The following BCKDHB variants were observed in gnomAD, a reference collection of about 807,000 sequenced individuals.
BCKDHB encodes 2-oxoisovalerate dehydrogenase subunit beta, mitochondrial.
Under a neutral mutation model 48.5 loss-of-function variants are expected in BCKDHB, and 41 were observed. The ratio of observed to expected loss-of-function variants is 0.85; its 90% CI spans 0.66 to 1.10. The LOEUF is 1.10. Ranked by LOEUF, BCKDHB falls within the 50% of genes least tolerant of loss-of-function variation. The pLI, the probability that BCKDHB is intolerant of heterozygous loss-of-function variation, is 0.00. For synonymous variants in BCKDHB, 201 were observed against 174.8 expected (o/e 1.15, Z -1.18); for missense variants, 496 against 494.2 (o/e 1.00, Z -0.03).
chr6:80,317,464 G>A (rs1475844989), intron 9 of BCKDHB, among the ~76,000 whole-genome samples: 1 of 152,130 alleles, frequency 6.6e-6, no homozygotes, highest in African/African-American at 2.4e-5. Context: ...TGTCTTCAAA[G>A]CCACAGAAAT....
chr6:80,281,170 T>C (rs570910590), intron 9 of BCKDHB, among the ~76,000 whole-genome samples: 4 of 152,198 alleles, frequency 2.6e-5, no homozygotes, highest in African/African-American at 7.2e-5. Flanking sequence ...TATACTGATA[T>C]ACTGGTGGCT....
At chr6:80,253,289 A>T (rs1390711563) in intron 8 of BCKDHB, among the ~76,000 whole-genome samples, 3 of 152,196 alleles carry the variant, frequency 2.0e-5, no homozygotes, top group Non-Finnish European at 4.4e-5. Context: ...TGTGTGTGCA[A>T]AGACCTACAA....
intron 3 of BCKDHB, among the ~76,000 whole-genome samples, chr6:80,143,006 C>G (rs111946188): frequency 6.6e-6 from 1 of 152,212 alleles, no homozygotes; most frequent in African/African-American, 2.4e-5. Flanking sequence ...TCAATAAATA[C>G]AGACAATTTA....
chr6:80,458,294 T>A, the BCKDHB span, among the ~76,000 whole-genome samples: 34 of 152,352 alleles, frequency 2.2e-4, no homozygotes, highest in East Asian at 4.6e-3. Context: ...TTTCACCTCC[T>A]GGGTCAAACA....
intron 1 of BCKDHB, among the ~76,000 whole-genome samples, chr6:80,124,733 A>G (rs938101612): frequency 6.6e-6 from 1 of 152,178 alleles, no homozygotes; most frequent in African/African-American, 2.4e-5. Flanking sequence ...ATTGTCAATG[A>G]GCAGTAATAT....
At chr6:80,343,279 A>G (rs1005902867) in intron 9 of BCKDHB, among the ~76,000 whole-genome samples, 6 of 152,252 alleles carry the variant, frequency 3.9e-5, no homozygotes, top group Non-Finnish European at 7.3e-5. Context: ...CATTGTATAA[A>G]ATGTGAGAAA....
intron 1 of BCKDHB, 99 bp from the exon 2 acceptor site, chr6:80,127,448 G>T (rs1219166863): frequency 2.1e-6 from 2 of 949,182 alleles, no homozygotes; most frequent in East Asian, 4.9e-5. Context: ...ATCTTTCTTT[G>T]TACCTTGATT....
chr6:80,443,343 A>C, the BCKDHB span: 1 of 152,162 alleles, frequency 6.6e-6, no homozygotes, highest in African/African-American at 2.4e-5. Flanking sequence ...TCCTTTGTGT[A>C]ATAATTTTGT....
chr6:80,156,083 A>C (rs920753704), intron 3 of BCKDHB, among the ~76,000 whole-genome samples: 10 of 152,006 alleles, frequency 6.6e-5, no homozygotes, highest in African/African-American at 2.4e-4. Flanking sequence ...TGCCTGGGGT[A>C]CTGTTTCTTT....
At chr6:80,270,602 C>A (rs1470275778) in intron 8 of BCKDHB, among the ~76,000 whole-genome samples, 3 of 152,116 alleles carry the variant, frequency 2.0e-5, no homozygotes, top group Non-Finnish European at 4.4e-5. Flanking sequence ...CAGCCTAACT[C>A]CTCATCTGAG....
chr6:80,190,730 G>T (rs1264287705), intron 6 of BCKDHB, among the ~76,000 whole-genome samples: 3 of 152,116 alleles, frequency 2.0e-5, no homozygotes, highest in Admixed American at 1.3e-4. Context: ...TTAGTTGTCT[G>T]TCATCCTCAC....
At chr6:80,401,372 C>A in the BCKDHB span, among the ~76,000 whole-genome samples, 1,182 of 151,172 alleles carry the variant, frequency 7.8e-3, 16 homozygotes, top group African/African-American at 0.027. Flanking sequence ...TTCTGTAGAT[C>A]CCCCCGACCC....
rs1479038293 is a variant in BCKDHB, at chr6:80,167,669, T to C, written c.344-9T>C. On this transcript the variant is annotated splice_polypyrimidine_tract_variant and intron_variant, in intron 3 of 9. Transcript: ENST00000320393. ...GCCACATTAACCTTTTTTTCTTTTC[T>C]ATTTTAAGGAAAAGATAGAGTTTTT... 8.7e-6 allele frequency: 14 copies of C among 1,602,080 alleles called. No homozygotes were observed. The highest frequency in any genetic ancestry group is 1.2e-5 in the Non-Finnish European group (14 of 1,169,240).
chr6:80,332,706 TAA>T (rs201659861), intron 9 of BCKDHB, among the ~76,000 whole-genome samples: 23 of 139,418 alleles, frequency 1.6e-4, no homozygotes, highest in Non-Finnish European at 1.5e-4. Flanking sequence ...ACCCTTATAG[TAA>T]AAAAAAAAAA....
chr6:80,353,654 A>G, the BCKDHB span, among the ~76,000 whole-genome samples: 1 of 152,110 alleles, frequency 6.6e-6, no homozygotes, highest in Non-Finnish European at 1.5e-5. Flanking sequence ...AGAGATCAAG[A>G]CCATCCTGGC....
chr6:80,234,223 C>A (rs1317373484), intron 8 of BCKDHB, among the ~76,000 whole-genome samples: 1 of 152,126 alleles, frequency 6.6e-6, no homozygotes, highest in Non-Finnish European at 1.5e-5. Flanking sequence ...GGGTTGGGGA[C>A]CCCTGGTATA....
the BCKDHB span, among the ~76,000 whole-genome samples, chr6:80,366,046 T>C: frequency 6.6e-6 from 1 of 152,230 alleles, no homozygotes; most frequent in African/African-American, 2.4e-5. Context: ...TTTATTAGTG[T>C]GGCGTGTGTT....
chr6:80,113,115 C>A (rs763644562), intron 1 of BCKDHB, among the ~76,000 whole-genome samples: 1 of 152,172 alleles, frequency 6.6e-6, no homozygotes, highest in Non-Finnish European at 1.5e-5. Context: ...CATAAGAACC[C>A]TGTAGGAGAA....
intron 6 of BCKDHB, among the ~76,000 whole-genome samples, chr6:80,180,428 C>T (rs1053352067): frequency 4.6e-5 from 7 of 152,120 alleles, no homozygotes; most frequent in Non-Finnish European, 7.4e-5. Flanking sequence ...GTCAGTGTGA[C>T]ATTATCACAT....
Sources: gnomAD v4.1 joint callset for allele counts (sites outside exome capture counted in the v4.1 genomes callset) on GRCh38, gnomAD v4.1.1 for gene constraint, MANE v1.5 for transcripts, NCBI Gene and HGNC (gene_info 2026-07-23, HGNC 2026-07-21) for gene names.